CPPED1: variants seen among roughly 807,000 people sequenced by gnomAD.
The protein encoded by CPPED1 is calcineurin like phosphoesterase domain containing 1.
CPPED1 carries 28 observed loss-of-function variants against 28.0 expected under a neutral mutation model. The ratio of observed to expected loss-of-function variants is 1.00; its 90% CI spans 0.74 to 1.37. CPPED1 has a LOEUF of 1.37. Among genes scored for constraint, CPPED1 ranks in the 40% most tolerant of loss-of-function variants. The pLI is 0.00. For synonymous variants in CPPED1, 198 were observed against 180.2 expected, an observed-to-expected ratio of 1.10 and a Z score of -0.79; for missense variants, 504 against 416.5, an observed-to-expected ratio of 1.21 and a Z score of -1.83.
chr16:12,677,829 TA>T (rs1404048163), intron 3 of CPPED1, among the ~76,000 whole-genome samples: 1 of 152,204 alleles, frequency 6.6e-6, no homozygotes, highest in Admixed American at 6.5e-5. Context: ...ACTTGGAACT[TA>T]ATTGACCTGG....
At chr16:12,685,138 A>G (rs892079899) in intron 3 of CPPED1, among the ~76,000 whole-genome samples, 4 of 152,180 alleles carry the variant, frequency 2.6e-5, no homozygotes, top group African/African-American at 7.2e-5. Context: ...TGTTTCTTCA[A>G]TTTTAAAAAG....
chr16:12,706,890 C>T (rs925723021), intron 2 of CPPED1, among the ~76,000 whole-genome samples: 7 of 152,170 alleles, frequency 4.6e-5, no homozygotes, highest in African/African-American at 1.2e-4. Context: ...GGTGGCTGCA[C>T]GGCCTGAAGC....
chr16:12,728,549 T>G (rs2080181249), intron 2 of CPPED1, among the ~76,000 whole-genome samples: 1 of 152,040 alleles, frequency 6.6e-6, no homozygotes, highest in Non-Finnish European at 1.5e-5. Flanking sequence ...AAAGTCACTC[T>G]ACAGAATAAA....
intron 3 of CPPED1, among the ~76,000 whole-genome samples, chr16:12,690,662 CAAA>C (rs748989286): frequency 5.9e-4 from 56 of 94,672 alleles, no homozygotes; most frequent in African/African-American, 1.8e-3. Context: ...TAGTTTCTAC[CAAA>C]AAAAAAAAAA....
intron 2 of CPPED1, among the ~76,000 whole-genome samples, chr16:12,719,101 C>A (rs1285501040): frequency 1.3e-5 from 2 of 151,996 alleles, no homozygotes; most frequent in Admixed American, 6.6e-5. Context: ...CCTTATAAAA[C>A]CATCAGATCT....
chr16:12,797,806 C>A (rs1467814820), intron 1 of CPPED1, among the ~76,000 whole-genome samples: 1 of 152,034 alleles, frequency 6.6e-6, no homozygotes, highest in African/African-American at 2.4e-5. Context: ...GGCCAGCAGA[C>A]CATGGGTTGG....
At chr16:12,747,905 T>C (rs1406031397) in intron 2 of CPPED1, among the ~76,000 whole-genome samples, 1 of 152,194 alleles carries the variant, frequency 6.6e-6, no homozygotes, top group Non-Finnish European at 1.5e-5. Flanking sequence ...TTTTTAAATG[T>C]CTGCCAATTA....
At chr16:12,757,594 G>A (rs1350481746) in intron 2 of CPPED1, 1 of 144,172 alleles carries the variant, frequency 6.9e-6, no homozygotes, top group Non-Finnish European at 1.5e-5. Context: ...GTAATGTAAG[G>A]GGGCCCGTGC....
At chr16:12,706,420 C>T (rs2080050581) in intron 2 of CPPED1, among the ~76,000 whole-genome samples, 1 of 150,512 alleles carries the variant, frequency 6.6e-6, no homozygotes, top group Non-Finnish European at 1.5e-5. Context: ...ATTACTTTTG[C>T]ACCAACCTAA....
Position 12,670,958 on chromosome 16 carries a change from C to G in CPPED1, c.716-5843G>C, listed in dbSNP as rs1305959437. ...CTCCGCCTCCCGGGTTCAAGTGATTCTCCTGCCTCAGCCTCCTGAGTAGCT... is the reference window on the plus strand; with the variant it reads ...CTCCGCCTCCCGGGTTCAAGTGATTGTCCTGCCTCAGCCTCCTGAGTAGCT... On this transcript the variant is annotated intron_variant, in intron 3 of 3. Coordinates refer to ENST00000381774, the MANE Select transcript of CPPED1 (RefSeq NM_018340.3). The surrounding 1 kb of genome is among the most constrained non-coding windows in gnomAD (Gnocchi z 4.2). Among the ~76,000 whole-genome samples the G allele has an allele frequency of 1.3e-5, 2 of 152,128 alleles. No homozygotes were observed. The highest frequency in any genetic ancestry group is 2.9e-5 in the Non-Finnish European group (2 of 68,030).
At chr16:12,671,371 G>A (rs1175707206) in intron 3 of CPPED1, among the ~76,000 whole-genome samples, 1 of 152,122 alleles carries the variant, frequency 6.6e-6, no homozygotes, top group Admixed American at 6.5e-5. Flanking sequence ...GAAGGAAACA[G>A]AGATTGAGAA....
intron 3 of CPPED1, among the ~76,000 whole-genome samples, chr16:12,691,997 G>C (rs1048558733): frequency 4.6e-5 from 7 of 151,680 alleles, no homozygotes; most frequent in African/African-American, 1.7e-4. Context: ...CAACATAAAG[G>C]CATGCACCAC....
At chr16:12,707,461 G>A (rs1009872610) in intron 2 of CPPED1, among the ~76,000 whole-genome samples, 1 of 152,124 alleles carries the variant, frequency 6.6e-6, no homozygotes, top group South Asian at 2.1e-4. Context: ...AACTAAGGTC[G>A]TTGCTCTCAG....
At position 12,776,710 on chromosome 16, in the gene CPPED1, G is replaced by A. The variant is rs1374818858; in HGVS notation, c.289+4475C>T. ...CTGAGGCAGGTGGATCACGAGGTCA[G>A]GAGATCGAGACCAGCCTGGCCAACA... On this transcript the variant is annotated intron_variant, in intron 2 of 3. Coordinates refer to ENST00000381774, the MANE Select transcript of CPPED1 (RefSeq NM_018340.3). Among the ~76,000 whole-genome samples the A allele has an allele frequency of 3.9e-5, 6 of 152,172 alleles. No individual in the cohort carries two copies. The East Asian group carries it at 1.2e-3, about 29-fold the overall frequency.
rs528736894 is a variant in CPPED1, at chr16:12,793,960, A to G, written c.70+9747T>C. 3.3e-4 allele frequency among the ~76,000 whole-genome samples: 51 copies of G among 152,366 alleles called. No individual in the cohort carries two copies. In the South Asian group the frequency reaches 0.01, roughly 30 times the overall value. On this transcript the variant is annotated intron_variant, in intron 1 of 3. Transcript: ENST00000381774. ...AATTTTTGCAGTTTCTCACAATAGC[A>G]ATCTGCATAGTGAATCACAATCTAA... is the stretch of plus-strand genomic sequence containing the variant.
intron 1 of CPPED1, among the ~76,000 whole-genome samples, chr16:12,796,412 T>C (rs113218686): frequency 0.023 from 3,424 of 151,840 alleles, 86 homozygotes; most frequent in African/African-American, 0.064. Context: ...GGAGAATCGC[T>C]TGAATCCAGG....
Position 12,689,217 on chromosome 16 carries a change from C to CTTT in CPPED1, c.715+15404_715+15406dup, listed in dbSNP as rs869107040. On this transcript the variant is annotated intron_variant, in intron 3 of 3. Coordinates refer to ENST00000381774, the MANE Select transcript of CPPED1 (RefSeq NM_018340.3). Reference sequence around the variant, plus strand: ...TATGATCAGCTATATGAAAAGAGGGCTTTTTTTTTTTTTTTTTTTTTTTTA... The same window carrying CTTT: ...TATGATCAGCTATATGAAAAGAGGGCTTTTTTTTTTTTTTTTTTTTTTTTTTTA... Among the ~76,000 whole-genome samples, 112 of 83,570 alleles carry CTTT rather than the reference C, an allele frequency of 1.3e-3. 3 individuals carry two copies. The highest frequency in any genetic ancestry group is 4.4e-3 in the African/African-American group (89 of 20,084). 54.8% of individuals were successfully genotyped at this position (83,570 alleles called of 152,430 possible). A position where few individuals can be genotyped will look rare whatever the true frequency, so the allele number is the denominator to read the frequency against.
intron 2 of CPPED1, among the ~76,000 whole-genome samples, chr16:12,730,342 A>T (rs2080191041): frequency 6.6e-6 from 1 of 152,192 alleles, no homozygotes; most frequent in Non-Finnish European, 1.5e-5. Context: ...GCTGGCAGCG[A>T]GAAAAGTCAA....
chr16:12,704,929 T>A lies in CPPED1; in HGVS notation c.410A>T (p.Glu137Val), dbSNP rs775720619. 3.1e-6 allele frequency: 5 copies of A among 1,614,152 alleles called. No individual in the cohort carries two copies. The East Asian group carries it at 1.1e-4, about 36-fold the overall frequency. The change falls in exon 3 of 4, where the codon GAG (glutamate) becomes GTG (valine). Residue 137 changes from glutamate (E) to valine (V), a missense_variant. Coordinates refer to ENST00000381774, the MANE Select transcript of CPPED1 (RefSeq NM_018340.3). Reference protein sequence around the residue: ...NHDIGNTPTAETVEEFCRTWG... With the variant: ...NHDIGNTPTAVTVEEFCRTWG... ...AGTCCGGCAGAACTCCTCGACGGTC[T>A]CGGCCGTGGGGGTGTTGCCAATGTC...
Sources: allele counts gnomAD v4.1 joint callset (sites outside exome capture counted in the v4.1 genomes callset), GRCh38; gene constraint gnomAD v4.1.1; non-coding constraint Gnocchi (gnomAD v3.1); transcripts MANE v1.5; gene names NCBI Gene and HGNC (gene_info 2026-07-23, HGNC 2026-07-21).